Variants in FBXL7 observed in about 807,000 individuals in gnomAD.
FBXL7 encodes F-box/LRR-repeat protein 7.
In FBXL7, 12 loss-of-function variants were observed where a neutral mutation model predicts 38.3. The observed-to-expected ratio is 0.31, with a 90% CI of 0.20 to 0.51. FBXL7 has a LOEUF of 0.51. Among genes scored for constraint, FBXL7 ranks in the 20% least tolerant of loss-of-function variants. The pLI is 0.98. For synonymous variants in FBXL7, 297 were observed against 300.9 expected, an observed-to-expected ratio of 0.99 and a Z score of 0.13; for missense variants, 567 against 676.4, an observed-to-expected ratio of 0.84 and a Z score of 1.79.
At chr5:15,761,869 T>C (rs1242713547) in intron 2 of FBXL7, among the ~76,000 whole-genome samples, 3 of 152,222 alleles carry the variant, frequency 2.0e-5, no homozygotes, top group African/African-American at 7.2e-5. Context: ...TTGAATTGCT[T>C]TTTTGAATAA....
chr5:15,537,359 A>G (rs919293515), intron 1 of FBXL7, among the ~76,000 whole-genome samples: 6 of 152,226 alleles, frequency 3.9e-5, no homozygotes, highest in African/African-American at 1.4e-4. Context: ...AAAACACAGT[A>G]GATAGGACAC....
chr5:15,938,260 C>G lies in FBXL7; in HGVS notation c.*1074C>G, dbSNP rs981463406. On this transcript the variant is annotated 3_prime_UTR_variant, in exon 4 of 4. Coordinates refer to ENST00000504595, the MANE Select transcript of FBXL7 (RefSeq NM_012304.5). Reference sequence around the variant, plus strand: ...GATCCCCCCATCAGTTGCTTTTACTCAGTGTTTTCAAATAGGAGTAAAGGC... The same window carrying G: ...GATCCCCCCATCAGTTGCTTTTACTGAGTGTTTTCAAATAGGAGTAAAGGC... 6.6e-6 allele frequency: 1 copy of G among 152,182 alleles called. No individual in the cohort carries two copies. The highest frequency in any genetic ancestry group is 2.4e-5 in the African/African-American group (1 of 41,432). 9.4% of individuals were successfully genotyped at this position (152,182 alleles called of 1,614,324 possible).
intron 1 of FBXL7, among the ~76,000 whole-genome samples, chr5:15,541,032 A>G (rs1451112546): frequency 6.6e-6 from 1 of 151,198 alleles, no homozygotes; most frequent in Non-Finnish European, 1.5e-5. Flanking sequence ...CCTTATCCAT[A>G]TATGTATATG....
intron 2 of FBXL7, among the ~76,000 whole-genome samples, chr5:15,640,675 C>T (rs1741336592): frequency 6.6e-6 from 1 of 152,034 alleles, no homozygotes; most frequent in East Asian, 1.9e-4. Flanking sequence ...AGGTGCGTGC[C>T]ACCACACCCG....
intron 2 of FBXL7, among the ~76,000 whole-genome samples, chr5:15,721,879 G>A (rs1303199157): frequency 2.0e-5 from 3 of 151,998 alleles, no homozygotes; most frequent in Non-Finnish European, 4.4e-5. Flanking sequence ...CTGTCGCCCA[G>A]GCTAGAGTGC....
chr5:15,634,322 T>C (rs1344788232), intron 2 of FBXL7, among the ~76,000 whole-genome samples: 1 of 146,890 alleles, frequency 6.8e-6, no homozygotes, highest in East Asian at 2.0e-4. Context: ...TCTTTTTTTT[T>C]TTTTTTTTTT....
chr5:15,852,040 C>CT, intron 2 of FBXL7, among the ~76,000 whole-genome samples: 1 of 152,248 alleles, frequency 6.6e-6, no homozygotes, highest in South Asian at 2.1e-4. Context: ...CTGTCAATGG[C>CT]TTCAAGGTCA....
intron 2 of FBXL7, among the ~76,000 whole-genome samples, chr5:15,898,711 T>G (rs1397429657): frequency 2.0e-5 from 3 of 152,214 alleles, no homozygotes; most frequent in Non-Finnish European, 4.4e-5. Flanking sequence ...GAAAACTCAA[T>G]GTATTCTCGG....
At chr5:15,741,402 T>C (rs1051264924) in intron 2 of FBXL7, among the ~76,000 whole-genome samples, 1 of 152,238 alleles carries the variant, frequency 6.6e-6, no homozygotes, top group Non-Finnish European at 1.5e-5. Flanking sequence ...ACTTCCCTTC[T>C]AAGATAGTTC....
At chr5:15,564,799 A>G (rs1054250701) in intron 1 of FBXL7, among the ~76,000 whole-genome samples, 1 of 152,066 alleles carries the variant, frequency 6.6e-6, no homozygotes, top group Admixed American at 6.6e-5. Flanking sequence ...TTTGTGCACA[A>G]TATGCCTGAA....
intron 2 of FBXL7, among the ~76,000 whole-genome samples, chr5:15,798,746 G>A (rs965338067): frequency 1.3e-5 from 2 of 152,174 alleles, no homozygotes; most frequent in African/African-American, 4.8e-5. Context: ...CTGAACAAAT[G>A]CTTCATCAGC....
chr5:15,505,492 G>T (rs1048664005), intron 1 of FBXL7, among the ~76,000 whole-genome samples: 1 of 152,126 alleles, frequency 6.6e-6, no homozygotes, highest in African/African-American at 2.4e-5. Context: ...ACAGATGAAG[G>T]TCCTGTCCTT....
At chr5:15,905,368 T>G (rs1423254760) in intron 2 of FBXL7, among the ~76,000 whole-genome samples, 3 of 152,188 alleles carry the variant, frequency 2.0e-5, no homozygotes, top group Non-Finnish European at 4.4e-5. Flanking sequence ...GACTAATCTA[T>G]TGCTTGGAGG....
Position 15,936,927 on chromosome 5 carries a change from C to A in FBXL7, c.1217C>A (p.Ser406Tyr). The A allele has an allele frequency of 6.2e-7, 1 of 1,614,074 alleles. No individual in the cohort carries two copies. Among genetic ancestry groups the A allele is most frequent in the Non-Finnish European group, 8.5e-7 (1 of 1,179,898 alleles). ...GCCAAGAACTGCACCAAACTCAAAT[C>A]CCTGGATATCGGCAAATGCCCTTTG... is the stretch of plus-strand genomic sequence containing the variant. ...YLAKNCTKLK[S>Y]LDIGKCPLVS... Residue 406 changes from serine to tyrosine, a missense_variant, in exon 4 of 4, where the codon TCC becomes TAC. Physicochemically the swap from Ser to Tyr is moderately radical, Grantham distance 144. Coordinates refer to ENST00000504595, the MANE Select transcript of FBXL7 (RefSeq NM_012304.5). The surrounding 1 kb of genome is among the most constrained non-coding windows in gnomAD (Gnocchi z 6.0).
chr5:15,681,184 G>T lies in FBXL7; in HGVS notation c.127+65112G>T, dbSNP rs140636961. 2.8e-4 allele frequency among the ~76,000 whole-genome samples: 43 copies of T among 152,186 alleles called. No homozygotes were observed. In the East Asian group the frequency reaches 7.1e-3, roughly 25 times the overall value. ...ACTAGTGTCAAAAGCTTCATAAAAAGGCATACCTTCTAATTTTCAACCTCA... is the reference window on the plus strand; with the variant it reads ...ACTAGTGTCAAAAGCTTCATAAAAATGCATACCTTCTAATTTTCAACCTCA... On this transcript the variant is annotated intron_variant, in intron 2 of 3. Transcript: ENST00000504595.
chr5:15,837,780 A>C (rs1738632535), intron 2 of FBXL7, among the ~76,000 whole-genome samples: 1 of 152,092 alleles, frequency 6.6e-6, no homozygotes, highest in Non-Finnish European at 1.5e-5. Context: ...AACTTGGTGG[A>C]GAGAAAGGAA....
chr5:15,765,992 C>A (rs1736577496), intron 2 of FBXL7, among the ~76,000 whole-genome samples: 1 of 152,118 alleles, frequency 6.6e-6, no homozygotes, highest in Admixed American at 6.6e-5. Context: ...GGGACCTGAA[C>A]CAACACTCCA....
At chr5:15,515,807 A>T (rs1377047950) in intron 1 of FBXL7, among the ~76,000 whole-genome samples, 1 of 152,186 alleles carries the variant, frequency 6.6e-6, no homozygotes, top group African/African-American at 2.4e-5. Flanking sequence ...AAAATGACTA[A>T]AAATTAATAT....
intron 2 of FBXL7, among the ~76,000 whole-genome samples, chr5:15,880,851 G>A (rs1236251320): frequency 2.0e-5 from 3 of 150,954 alleles, no homozygotes; most frequent in Non-Finnish European, 4.4e-5. Context: ...AGTAAGTGTA[G>A]TATGCTCTGT....
Sources: allele counts gnomAD v4.1 joint callset (sites outside exome capture counted in the v4.1 genomes callset), GRCh38; gene constraint gnomAD v4.1.1; non-coding constraint Gnocchi (gnomAD v3.1); transcripts MANE v1.5; gene names NCBI Gene and HGNC (gene_info 2026-07-23, HGNC 2026-07-21).